MORN2: variants seen among roughly 807,000 people sequenced by gnomAD.
The protein encoded by MORN2 is MORN repeat containing 2, also known as MORN repeat-containing protein 2.
A neutral mutation model predicts 13.4 loss-of-function variants in MORN2; 15 were observed. That is an observed-to-expected ratio of 1.12 (90% CI 0.75 to 1.72). The LOEUF (loss-of-function observed/expected upper bound fraction) is 1.72, where lower values mean the gene tolerates loss of function less well. MORN2 is among the 40% of genes most tolerant of loss of function. The probability of loss-of-function intolerance (pLI) is 0.00; values close to 1 mark genes in which losing one functional copy is unlikely to be tolerated. For synonymous variants in MORN2, 46 were observed against 43.6 expected (o/e 1.06, Z -0.22); for missense variants, 168 against 134.6 (o/e 1.25, Z -1.23).
chr2:38,881,330 A>G, intron 3 of MORN2, 112 bp from the exon 4 acceptor site: 1 of 903,782 alleles, frequency 1.1e-6, no homozygotes, highest in South Asian at 1.8e-5. Context: ...AGGACAATAC[A>G]AAGTTGGTTA....
chr2:38,881,042 C>T (rs538486680), intron 3 of MORN2, among the ~76,000 whole-genome samples: 1 of 152,260 alleles, frequency 6.6e-6, no homozygotes, highest in South Asian at 2.1e-4. Context: ...TCTTGCCCAG[C>T]TAGTAAATGA....
At position 38,881,518 on chromosome 2, in the gene MORN2, G is replaced by C. The variant is rs1239028939; in HGVS notation, c.293G>C (p.Gly98Ala). ...CAATTTAAGGATAATATGTTTCATGGACTGGGGACTTACACATTCCCAAAT... is the reference window on the plus strand; with the variant it reads ...CAATTTAAGGATAATATGTTTCATGCACTGGGGACTTACACATTCCCAAAT... The change falls in exon 4 of 5, where the codon GGA (glycine) becomes GCA (alanine). Residue 98 changes from glycine (G) to alanine (A), a missense_variant. Gly to Ala is a moderately conservative substitution (Grantham distance 60, BLOSUM62 0). Transcript: ENST00000644631. 6.5e-7 allele frequency: 1 copy of C among 1,543,660 alleles called. No individual in the cohort carries two copies. Among genetic ancestry groups the C allele is most frequent in the African/African-American group, 1.4e-5 (1 of 72,478 alleles).
At chr2:38,877,936 C>T (rs910313331) in intron 1 of MORN2, among the ~76,000 whole-genome samples, 5 of 151,714 alleles carry the variant, frequency 3.3e-5, no homozygotes, top group Admixed American at 2.0e-4. Flanking sequence ...GCATGGACAA[C>T]AAGCATGCAA....
chr2:38,877,538 T>G (rs1257841312), intron 1 of MORN2, among the ~76,000 whole-genome samples: 2 of 152,094 alleles, frequency 1.3e-5, no homozygotes. Context: ...TGTCTATATT[T>G]AACCCCTAAA....
rs772670807 is a variant in MORN2, at chr2:38,876,104, C to G, written c.52C>G (p.Arg18Gly). 2.5e-5 allele frequency: 10 copies of G among 398,630 alleles called. No individual in the cohort carries two copies. Among genetic ancestry groups the G allele is most frequent in the Non-Finnish European group, 4.0e-5 (9 of 226,182 alleles). The allele number at this position is 398,630 out of a possible 1,614,324, so 24.7% of individuals were successfully genotyped here. A position where few individuals can be genotyped will look rare whatever the true frequency, so the allele number is the denominator to read the frequency against. ...TTTGGAAGATCTCTCTAACACCTCTCGGCCAAGTGAGTGTCCCTCCTCCTA... is the reference window on the plus strand; with the variant it reads ...TTTGGAAGATCTCTCTAACACCTCTGGGCCAAGTGAGTGTCCCTCCTCCTA... The change falls in exon 1 of 5, where the codon CGG (arginine) becomes GGG (glycine). Residue 18 changes from arginine (R) to glycine (G), a missense_variant. Transcript: ENST00000644631.
chr2:38,877,012 A>T (rs1226115159), intron 1 of MORN2, among the ~76,000 whole-genome samples: 1 of 152,258 alleles, frequency 6.6e-6, no homozygotes, highest in East Asian at 1.9e-4. Flanking sequence ...GATGAATAGC[A>T]GTTAACCAGG....
At chr2:38,878,759 C>G (rs1056303175) in intron 1 of MORN2, among the ~76,000 whole-genome samples, 2 of 152,090 alleles carry the variant, frequency 1.3e-5, no homozygotes, top group Admixed American at 1.3e-4. Context: ...AATACTCTCC[C>G]TTTCTCTCTG....
intron 1 of MORN2, among the ~76,000 whole-genome samples, chr2:38,877,673 A>G (rs1665680138): frequency 6.6e-6 from 1 of 152,058 alleles, no homozygotes; most frequent in Non-Finnish European, 1.5e-5. Context: ...TGTAGATGGA[A>G]TCTCACTATG....
intron 1 of MORN2, among the ~76,000 whole-genome samples, chr2:38,876,424 G>A (rs1433845998): frequency 6.6e-6 from 1 of 152,220 alleles, no homozygotes; most frequent in Non-Finnish European, 1.5e-5. Flanking sequence ...ACATTTTAGC[G>A]GCAATTGAAA....
intron 4 of MORN2, among the ~76,000 whole-genome samples, chr2:38,881,792 A>G (rs1190074786): frequency 1.3e-5 from 2 of 152,150 alleles, no homozygotes; most frequent in Non-Finnish European, 2.9e-5. Context: ...CTGGGTCCAC[A>G]GATGTGCACT....
At chr2:38,881,242 A>C (rs966289137) in intron 3 of MORN2, among the ~76,000 whole-genome samples, 200 bp from the exon 4 acceptor site, 3 of 152,174 alleles carry the variant, frequency 2.0e-5, no homozygotes, top group Non-Finnish European at 2.9e-5. Flanking sequence ...GATCCAGAAC[A>C]TTTAATTTAC....
chr2:38,878,228 A>G (rs554641560), intron 1 of MORN2, among the ~76,000 whole-genome samples: 118 of 152,166 alleles, frequency 7.8e-4, no homozygotes, highest in Non-Finnish European at 1.5e-3. Flanking sequence ...ACTGTTGCTA[A>G]TGTCAGTCCT....
Position 38,881,638 on chromosome 2 carries a change from G to C in MORN2, c.353+60G>C. The C allele has an allele frequency of 3.2e-6, 4 of 1,232,292 alleles. No homozygotes were observed. In the South Asian group the frequency reaches 6.5e-5, roughly 20 times the overall value. The allele number at this position is 1,232,292 out of a possible 1,614,324, so 76.3% of individuals were successfully genotyped here. On this transcript the variant is annotated intron_variant, in intron 4 of 4. Transcript: ENST00000644631. ...TAAAAGATTATTTTCTGGTATGTTT[G>C]CTTAAATACTTATTTATTTATTTAT... is the stretch of plus-strand genomic sequence containing the variant.
chr2:38,878,074 G>A (rs1009863170), intron 1 of MORN2, among the ~76,000 whole-genome samples: 5 of 152,176 alleles, frequency 3.3e-5, no homozygotes, highest in Non-Finnish European at 7.3e-5. Context: ...GGGATTCCAG[G>A]CATGAGCCAG....
intron 1 of MORN2, 160 bp downstream of exon 1, chr2:38,876,270 A>G: frequency 2.5e-6 from 1 of 395,618 alleles, no homozygotes; most frequent in Non-Finnish European, 4.4e-6. Context: ...TGGTCTGGGA[A>G]TCTAGCTCTG....
intron 1 of MORN2, among the ~76,000 whole-genome samples, chr2:38,876,775 C>T (rs1363389694): frequency 6.6e-6 from 1 of 152,158 alleles, no homozygotes; most frequent in Non-Finnish European, 1.5e-5. Context: ...GCTGGGGCTA[C>T]AAGAATACAA....
At chr2:38,879,938 G>C (rs1164331246) in intron 1 of MORN2, among the ~76,000 whole-genome samples, 1 of 152,196 alleles carries the variant, frequency 6.6e-6, no homozygotes, top group Non-Finnish European at 1.5e-5. Flanking sequence ...ATGTGATCTT[G>C]AGAAGTAAGT....
chr2:38,879,262 C>G (rs1351658105), intron 1 of MORN2, among the ~76,000 whole-genome samples: 1 of 152,112 alleles, frequency 6.6e-6, no homozygotes, highest in Admixed American at 6.5e-5. Flanking sequence ...AAAAACATAT[C>G]CACACAAAAA....
At chr2:38,881,931 G>A (rs914815926) in intron 4 of MORN2, among the ~76,000 whole-genome samples, 3 of 152,192 alleles carry the variant, frequency 2.0e-5, no homozygotes, top group Non-Finnish European at 2.9e-5. Flanking sequence ...GATTACAGGC[G>A]TGAGCCACTG....
Sources: allele counts gnomAD v4.1 joint callset (sites outside exome capture counted in the v4.1 genomes callset), GRCh38; gene constraint gnomAD v4.1.1; transcripts MANE v1.5; gene names NCBI Gene and HGNC (gene_info 2026-07-23, HGNC 2026-07-21).